The following KIF6 variants were observed in gnomAD, a reference collection of about 807,000 sequenced individuals.
KIF6 encodes the protein kinesin-like protein KIF6.
A neutral mutation model predicts 112.7 loss-of-function variants in KIF6; 106 were observed. The ratio of observed to expected loss-of-function variants is 0.94; its 90% CI spans 0.80 to 1.11. The LOEUF is 1.11. KIF6 is among the 50% of genes least tolerant of loss of function. The pLI, the probability that KIF6 is intolerant of heterozygous loss-of-function variation, is 0.00. For synonymous variants in KIF6, 339 were observed against 339.9 expected (o/e 1.00, Z 0.03); for missense variants, 929 against 964.0 (o/e 0.96, Z 0.48).
At chr6:39,356,969 C>A (rs1764740263) in intron 19 of KIF6, among the ~76,000 whole-genome samples, 1 of 152,168 alleles carries the variant, frequency 6.6e-6, no homozygotes, top group Non-Finnish European at 1.5e-5. Flanking sequence ...TGACCCTGTT[C>A]CATTCCTGCC....
Position 39,613,327 on chromosome 6 carries a change from A to G in KIF6, c.510-9T>C. 6.4e-7 allele frequency: 1 copy of G among 1,563,448 alleles called. No homozygotes were observed. The highest frequency in any genetic ancestry group is 8.6e-7 in the Non-Finnish European group (1 of 1,160,422). On this transcript the variant is annotated splice_polypyrimidine_tract_variant and intron_variant, in intron 5 of 22. Transcript: ENST00000287152. ...CCAGTATTGTCACTTTCCTAAGCAA[A>G]TGGGAAGCAAGAAAACAAGGTACTG...
intron 15 of KIF6, among the ~76,000 whole-genome samples, chr6:39,390,785 A>G (rs1767815841): frequency 6.6e-6 from 1 of 152,196 alleles, no homozygotes; most frequent in Non-Finnish European, 1.5e-5. Flanking sequence ...TGGAAGGTCT[A>G]GTTAGAGGCT....
At chr6:39,645,419 G>C (rs1785112146) in intron 3 of KIF6, among the ~76,000 whole-genome samples, 1 of 152,112 alleles carries the variant, frequency 6.6e-6, no homozygotes, top group Admixed American at 6.5e-5. Flanking sequence ...TGGAGGATCT[G>C]CACAAAGTGA....
intron 14 of KIF6, among the ~76,000 whole-genome samples, chr6:39,422,397 C>G (rs773976198): frequency 4.6e-5 from 7 of 152,130 alleles, no homozygotes; most frequent in Admixed American, 3.9e-4. Context: ...TGGAAAGCCA[C>G]GAGCTGTTCC....
In KIF6 at chr6:39,506,474, A is replaced by G. The variant is rs367977708; in HGVS notation, c.1645+33529T>C. ...AATCACCATGGCACACTTATGTAAT[A>G]AACCTGCATATCCTGCACATGTATC... On this transcript the variant is annotated intron_variant, in intron 13 of 22. Transcript: ENST00000287152. Among the ~76,000 whole-genome samples, 130 of 152,250 alleles carry G rather than the reference A, an allele frequency of 8.5e-4. 1 individual carries two copies. Among genetic ancestry groups the G allele is most frequent in the African/African-American group, 3.0e-3 (124 of 41,538 alleles).
At chr6:39,634,262 T>C (rs1396645694) in intron 5 of KIF6, among the ~76,000 whole-genome samples, 1 of 152,202 alleles carries the variant, frequency 6.6e-6, no homozygotes, top group Non-Finnish European at 1.5e-5. Flanking sequence ...CAAACAAGCA[T>C]TGAGCAATGT....
intron 13 of KIF6, among the ~76,000 whole-genome samples, chr6:39,496,724 T>A (rs1775805067): frequency 6.6e-6 from 1 of 152,184 alleles, no homozygotes; most frequent in Non-Finnish European, 1.5e-5. Flanking sequence ...CATTTTCACA[T>A]CAAACCAGGG....
intron 16 of KIF6, among the ~76,000 whole-genome samples, 184 bp downstream of exon 16, chr6:39,385,438 G>C (rs964201497): frequency 6.6e-6 from 1 of 152,122 alleles, no homozygotes; most frequent in Non-Finnish European, 1.5e-5. Flanking sequence ...AAGAACACAG[G>C]CTGGGGAAAC....
At chr6:39,655,378 T>C (rs1378873312) in intron 3 of KIF6, among the ~76,000 whole-genome samples, 2 of 152,142 alleles carry the variant, frequency 1.3e-5, no homozygotes, top group Non-Finnish European at 2.9e-5. Context: ...CCTCTGCTTA[T>C]GTTGCATATT....
intron 13 of KIF6, among the ~76,000 whole-genome samples, chr6:39,507,731 C>T (rs1357617995): frequency 6.8e-6 from 1 of 147,862 alleles, no homozygotes; most frequent in Admixed American, 6.8e-5. Flanking sequence ...TCCCTTCCTT[C>T]CCTCCTTCCT....
At chr6:39,372,179 G>C (rs1766053550) in intron 16 of KIF6, among the ~76,000 whole-genome samples, 1 of 152,170 alleles carries the variant, frequency 6.6e-6, no homozygotes, top group South Asian at 2.1e-4. Flanking sequence ...AATTAACAAT[G>C]AATGACCAAT....
chr6:39,486,501 A>G (rs576276216), intron 13 of KIF6, among the ~76,000 whole-genome samples: 21 of 152,308 alleles, frequency 1.4e-4, no homozygotes, highest in Middle Eastern at 6.8e-3. Context: ...TTCCCAATAC[A>G]CAAAATCATG....
intron 10 of KIF6, among the ~76,000 whole-genome samples, chr6:39,551,606 A>G (rs1484316326): frequency 2.0e-5 from 3 of 152,180 alleles, no homozygotes; most frequent in Non-Finnish European, 2.9e-5. Context: ...CACATGTCCT[A>G]TAAATATGTA....
intron 6 of KIF6, among the ~76,000 whole-genome samples, chr6:39,598,575 A>ATGTG (rs1234786092): frequency 3.7e-5 from 5 of 134,216 alleles, no homozygotes; most frequent in African/African-American, 5.4e-5. Flanking sequence ...GTATACATAT[A>ATGTG]TATGTGTGTG....
chr6:39,433,959 G>A (rs758033087), intron 13 of KIF6, among the ~76,000 whole-genome samples: 2 of 152,148 alleles, frequency 1.3e-5, no homozygotes, highest in Non-Finnish European at 2.9e-5. Context: ...CAGCTGCAAA[G>A]TTAATGAACG....
At chr6:39,682,637 T>C (rs1226219025) in intron 3 of KIF6, among the ~76,000 whole-genome samples, 3 of 152,306 alleles carry the variant, frequency 2.0e-5, no homozygotes, top group African/African-American at 7.2e-5. Flanking sequence ...TGGAGTGCAG[T>C]GGCGCAATTT....
intron 6 of KIF6, among the ~76,000 whole-genome samples, chr6:39,597,995 G>A (rs1019840038): frequency 3.9e-5 from 6 of 151,956 alleles, no homozygotes; most frequent in African/African-American, 9.7e-5. Context: ...GTGAAACCCC[G>A]TGTGTACTAA....
intron 3 of KIF6, among the ~76,000 whole-genome samples, chr6:39,704,953 A>T: frequency 6.6e-6 from 1 of 152,242 alleles, no homozygotes; most frequent in Non-Finnish European, 1.5e-5. Flanking sequence ...TCTCATGTAT[A>T]TGAAGCCGGT....
intron 13 of KIF6, among the ~76,000 whole-genome samples, chr6:39,500,559 C>T (rs1554227569): frequency 6.6e-6 from 1 of 152,192 alleles, no homozygotes; most frequent in Non-Finnish European, 1.5e-5. Flanking sequence ...TTGCTACTTA[C>T]TAATGTTACA....
Sources: allele counts gnomAD v4.1 joint callset (sites outside exome capture counted in the v4.1 genomes callset), GRCh38; gene constraint gnomAD v4.1.1; transcripts MANE v1.5; gene names NCBI Gene and HGNC (gene_info 2026-07-23, HGNC 2026-07-21).